The following SSBP3 variants were observed in gnomAD, a reference collection of about 807,000 sequenced individuals.
The protein encoded by SSBP3 is single-stranded DNA-binding protein 3.
In SSBP3, 5 loss-of-function variants were observed where a neutral mutation model predicts 69.6. That is an observed-to-expected ratio of 0.07 (90% CI 0.04 to 0.15). The LOEUF (loss-of-function observed/expected upper bound fraction) is 0.15. Among genes scored for constraint, SSBP3 ranks in the 10% least tolerant of loss-of-function variants. The pLI is 1.00. For synonymous variants in SSBP3, 196 were observed against 193.4 expected, an observed-to-expected ratio of 1.01 and a Z score of -0.11; for missense variants, 312 against 534.0, an observed-to-expected ratio of 0.58 and a Z score of 4.10.
At chr1:54,380,931 GA>G (rs1647583631) in intron 4 of SSBP3, among the ~76,000 whole-genome samples, 1 of 150,750 alleles carries the variant, frequency 6.6e-6, no homozygotes, top group Non-Finnish European at 1.5e-5. Context: ...GACCAGCCGG[GA>G]AAAACACAGC....
intron 4 of SSBP3, among the ~76,000 whole-genome samples, chr1:54,364,614 G>A (rs929090900): frequency 1.3e-5 from 2 of 152,188 alleles, no homozygotes; most frequent in Non-Finnish European, 2.9e-5. Context: ...CATGAGAAAT[G>A]TGAAAAATGG....
chr1:54,404,054 G>C (rs1279867780), intron 3 of SSBP3, among the ~76,000 whole-genome samples: 3 of 151,840 alleles, frequency 2.0e-5, no homozygotes, highest in African/African-American at 7.2e-5. Flanking sequence ...GGAAAGGAAG[G>C]ACCAGTCAGT....
intron 4 of SSBP3, among the ~76,000 whole-genome samples, chr1:54,294,780 C>A (rs1645675544): frequency 6.6e-6 from 1 of 152,178 alleles, no homozygotes; most frequent in South Asian, 2.1e-4. Flanking sequence ...CGAGTGTCTG[C>A]TCCACTGGCC....
intron 5 of SSBP3, among the ~76,000 whole-genome samples, chr1:54,275,017 G>A (rs1430556078): frequency 6.6e-6 from 1 of 152,176 alleles, no homozygotes; most frequent in Non-Finnish European, 1.5e-5. Context: ...CATACTGGCT[G>A]TGCCCTGTGC....
chr1:54,283,358 A>C (rs1645431769), intron 4 of SSBP3, among the ~76,000 whole-genome samples: 1 of 152,064 alleles, frequency 6.6e-6, no homozygotes, highest in Admixed American at 6.5e-5. Context: ...TCTCACTAAT[A>C]TACTGCATGC....
chr1:54,228,381 G>A (rs774574612), intron 16 of SSBP3, 25 bp from the exon 17 acceptor site: 6 of 1,579,274 alleles, frequency 3.8e-6, no homozygotes, highest in East Asian at 2.2e-5. Context: ...GAGGAGGTGA[G>A]CACCTGTGTC....
intron 4 of SSBP3, among the ~76,000 whole-genome samples, chr1:54,305,123 AACTTC>A (rs1335082930): frequency 6.6e-6 from 1 of 152,138 alleles, no homozygotes; most frequent in Non-Finnish European, 1.5e-5. Flanking sequence ...AGGGGTAACT[AACTTC>A]AGCTTTGCCA....
intron 4 of SSBP3, among the ~76,000 whole-genome samples, chr1:54,396,207 A>C (rs1448954555): frequency 7.5e-4 from 112 of 150,072 alleles, no homozygotes; most frequent in Admixed American, 1.5e-3. Context: ...AAAAAAAAAA[A>C]AAAAAAAAAA....
At chr1:54,307,176 C>T (rs1323151778) in intron 4 of SSBP3, among the ~76,000 whole-genome samples, 1 of 152,172 alleles carries the variant, frequency 6.6e-6, no homozygotes, top group Non-Finnish European at 1.5e-5. Flanking sequence ...AGGGCCTCCT[C>T]TAAAGGAACC....
intron 4 of SSBP3, among the ~76,000 whole-genome samples, chr1:54,325,700 C>T (rs912284141): frequency 6.6e-6 from 1 of 152,164 alleles, no homozygotes; most frequent in African/African-American, 2.4e-5. Flanking sequence ...TCTCTTTATA[C>T]TAAAATCACA....
chr1:54,371,132 G>A (rs376340153), intron 4 of SSBP3, among the ~76,000 whole-genome samples: 2 of 152,326 alleles, frequency 1.3e-5, no homozygotes, highest in South Asian at 2.1e-4. Context: ...ACACCCCAAA[G>A]CTACAGACAC....
chr1:54,409,075 G>C (rs1214506101), upstream of SSBP3, among the ~76,000 whole-genome samples: 2 of 152,190 alleles, frequency 1.3e-5, no homozygotes, highest in Non-Finnish European at 2.9e-5. Flanking sequence ...AATGTGGTCA[G>C]ATCAGAAGCA....
At chr1:54,347,512 T>G (rs1646708946) in intron 4 of SSBP3, among the ~76,000 whole-genome samples, 1 of 152,124 alleles carries the variant, frequency 6.6e-6, no homozygotes, top group African/African-American at 2.4e-5. Flanking sequence ...GTATTCTTTT[T>G]GTTGGTTTGT....
At position 54,258,315 on chromosome 1, in the gene SSBP3, G is replaced by C. The variant is rs999826870; in HGVS notation, c.367-166C>G. Among the ~76,000 whole-genome samples the C allele has an allele frequency of 6.6e-6, 1 of 151,754 alleles. No homozygotes were observed. ...TGGTGGAGCTGCTGCTTTGGTCGCC[G>C]GCTCAACGGTGTAAAACGGCGAGCG... On this transcript the variant is annotated intron_variant, in intron 5 of 17. Transcript: ENST00000610401. This position sits in a 1 kb window ranked among gnomAD's most constrained non-coding sequence, Gnocchi z 4.5.
At chr1:54,405,925 C>T (rs1649718083) in intron 1 of SSBP3, 28 bp downstream of exon 1, 3 of 1,258,594 alleles carry the variant, frequency 2.4e-6, no homozygotes, top group African/African-American at 1.6e-5. Flanking sequence ...GGCGGCGGCG[C>T]GGCCGCCACT....
intron 14 of SSBP3, chr1:54,237,928 CGAGGCAGA>C: frequency 2.8e-6 from 1 of 359,304 alleles, no homozygotes; most frequent in Non-Finnish European, 5.7e-6. Flanking sequence ...AGTGACCACT[CGAGGCAGA>C]TCATCCACGC....
At chr1:54,254,442 A>G (rs573711932) in intron 7 of SSBP3, among the ~76,000 whole-genome samples, 1 of 152,196 alleles carries the variant, frequency 6.6e-6, no homozygotes, top group South Asian at 2.1e-4. Flanking sequence ...AATCACCCGC[A>G]CTTGAAAAAA....
chr1:54,380,216 T>C (rs1647511152), intron 4 of SSBP3, among the ~76,000 whole-genome samples: 1 of 152,170 alleles, frequency 6.6e-6, no homozygotes, highest in South Asian at 2.1e-4. Context: ...GACGCCACTG[T>C]TCCAGGGGGA....
At chr1:54,404,448 T>G in intron 3 of SSBP3, 128 bp downstream of exon 3, 1 of 1,102,534 alleles carries the variant, frequency 9.1e-7, no homozygotes, top group East Asian at 2.4e-5. Flanking sequence ...TGCCTCGAGG[T>G]GCCCCGCTCT....
Sources: allele counts gnomAD v4.1 joint callset (sites outside exome capture counted in the v4.1 genomes callset), GRCh38; gene constraint gnomAD v4.1.1; non-coding constraint Gnocchi (gnomAD v3.1); transcripts MANE v1.5; gene names NCBI Gene and HGNC (gene_info 2026-07-23, HGNC 2026-07-21).